IQGAP3: variants seen among roughly 807,000 people sequenced by gnomAD.
The protein encoded by IQGAP3 is IQ motif containing GTPase activating protein 3, also known as ras GTPase-activating-like protein IQGAP3.
In IQGAP3, 165 loss-of-function variants were observed where a neutral mutation model predicts 208.2. The observed-to-expected ratio is 0.79, with a 90% confidence interval of 0.70 to 0.90. The LOEUF is 0.90. Ranked by LOEUF, IQGAP3 falls within the 40% of genes least tolerant of loss-of-function variation. The pLI is 0.00. For synonymous variants in IQGAP3, 703 were observed against 803.6 expected, an observed-to-expected ratio of 0.87 and a Z score of 2.12; for missense variants, 1,811 against 2,043.1, an observed-to-expected ratio of 0.89 and a Z score of 2.19.
In IQGAP3 at chr1:156,562,664, T is replaced by C. The variant is rs1456269987; in HGVS notation, c.800A>G (p.Asp267Gly). The C allele has an allele frequency of 6.2e-6, 10 of 1,613,674 alleles. No individual in the cohort carries two copies. The highest frequency in any genetic ancestry group is 4.0e-5 in the African/African-American group (3 of 74,926). The change falls in exon 9 of 38, where the codon GAT (aspartate) becomes GGT (glycine). Residue 267 changes from aspartate (D) to glycine (G), a missense_variant and splice_region_variant. Physicochemically the swap from Asp to Gly is moderately conservative, Grantham distance 94. Coordinates refer to ENST00000361170, the MANE Select transcript of IQGAP3 (RefSeq NM_178229.5). Reference protein sequence around the residue: ...MEKAANARNHDDRESQDIYDH... With the variant: ...MEKAANARNHGDRESQDIYDH... The stretch of plus-strand genomic sequence containing the variant: ...ATAGATGTCCTGGCTTTCTCTGTCA[T>C]CCTGCAAAAACTCCATTGAAAGGGA...
At chr1:156,541,849 G>A (rs1405632235) in intron 22 of IQGAP3, among the ~76,000 whole-genome samples, 2 of 152,224 alleles carry the variant, frequency 1.3e-5, no homozygotes, top group Non-Finnish European at 2.9e-5. Context: ...GAAAACAAAA[G>A]TGGGTTGCCC....
At position 156,527,351 on chromosome 1, in the gene IQGAP3, GCC is replaced by G. The variant is rs1674139655; in HGVS notation, c.4782+599_4782+600del. 2.0e-5 allele frequency among the ~76,000 whole-genome samples: 3 copies of G among 151,716 alleles called. No homozygotes were observed. The South Asian group carries it at 6.3e-4, about 32-fold the overall frequency. ...ACAAAAAGCCGGTGTGGTGGCGCAC[GCC>G]TGTAATCCCAGCTACTCAGGAAGCT... is the stretch of plus-strand genomic sequence containing the variant. On this transcript the variant is annotated intron_variant, in intron 37 of 37. Transcript: ENST00000361170.
chr1:156,528,980 C>T lies in IQGAP3; in HGVS notation c.4507G>A (p.Glu1503Lys), dbSNP rs1198172911. The T allele has an allele frequency of 3.7e-6, 6 of 1,614,096 alleles. No homozygotes were observed. The highest frequency in any genetic ancestry group is 4.2e-6 in the Non-Finnish European group (5 of 1,180,046). Residue 1503 changes from glutamate (E) to lysine (K), a missense_variant, in exon 35 of 38, where the codon GAG (glutamate) becomes AAG (lysine). Coordinates refer to ENST00000361170, the MANE Select transcript of IQGAP3 (RefSeq NM_178229.5). ...TACTGGCTGTAGTAGTCACCCTGCT[C>T]CTCATAGAAGGTGGTCTTAGTGCTC... ...GLSTKTTFYE[E>K]QGDYYSQYIR... is the part of the protein sequence containing the mutation.
intron 2 of IQGAP3, 74 bp from the exon 3 acceptor site, chr1:156,566,620 T>G (rs1676411354): frequency 1.5e-5 from 22 of 1,454,140 alleles, no homozygotes; most frequent in Non-Finnish European, 2.0e-5. Flanking sequence ...GGAACTTCCC[T>G]CTGTCCCTCC....
At chr1:156,562,455 TTC>T in intron 9 of IQGAP3, 130 bp downstream of exon 9, 1 of 741,174 alleles carries the variant, frequency 1.3e-6, no homozygotes, top group Non-Finnish European at 2.4e-6. Context: ...ACTCTGATCT[TTC>T]TCCGAGGCAA....
chr1:156,569,241 T>A, intron 2 of IQGAP3, 135 bp downstream of exon 2: 1 of 581,784 alleles, frequency 1.7e-6, no homozygotes, highest in Non-Finnish European at 3.1e-6. Context: ...AAAAAAAAAT[T>A]AAAAAGCTAT....
intron 13 of IQGAP3, among the ~76,000 whole-genome samples, chr1:156,553,585 T>C (rs867135711): frequency 5.1e-4 from 75 of 147,414 alleles, no homozygotes; most frequent in Middle Eastern, 6.8e-3. Context: ...TCTTTCTTTT[T>C]TTTTTTTTTT....
intron 16 of IQGAP3, among the ~76,000 whole-genome samples, chr1:156,549,597 C>T (rs889092023): frequency 2.6e-5 from 4 of 152,016 alleles, no homozygotes; most frequent in African/African-American, 7.2e-5. Context: ...GATCACAGTA[C>T]ACTGCCCTCT....
At chr1:156,555,617 T>A (rs993875841) in intron 12 of IQGAP3, among the ~76,000 whole-genome samples, 2 of 152,234 alleles carry the variant, frequency 1.3e-5, no homozygotes, top group African/African-American at 4.8e-5. Flanking sequence ...GGTTCTTACT[T>A]TCTTCTCTTA....
chr1:156,527,040 C>A (rs529470847), intron 37 of IQGAP3, among the ~76,000 whole-genome samples: 1 of 151,176 alleles, frequency 6.6e-6, no homozygotes, highest in Non-Finnish European at 1.5e-5. Flanking sequence ...ACTATATTGG[C>A]CAGGCTGGTC....
chr1:156,563,760 T>G lies in IQGAP3; in HGVS notation c.502A>C (p.Thr168Pro). 1 of 1,613,676 alleles carries G rather than the reference T, an allele frequency of 6.2e-7. No individual in the cohort carries two copies. The highest frequency in any genetic ancestry group is 8.5e-7 in the Non-Finnish European group (1 of 1,179,808). The change falls in exon 6 of 38, where the codon ACA (threonine) becomes CCA (proline). Residue 168 changes from threonine (T) to proline (P), a missense_variant. By Grantham distance (38) the Thr-to-Pro change is conservative. Coordinates refer to ENST00000361170, the MANE Select transcript of IQGAP3 (RefSeq NM_178229.5). ...TCAGGGAAGGAGCTGGGCTTACCTG[T>G]GAATTTCACTTTCCCGTATAGATCA... ...IHDLYGKVKF[T>P]AEELSNMASE...
chr1:156,527,541 G>A (rs1674159052), intron 37 of IQGAP3, among the ~76,000 whole-genome samples: 1 of 152,170 alleles, frequency 6.6e-6, no homozygotes, highest in Non-Finnish European at 1.5e-5. Flanking sequence ...AAACACCGTT[G>A]CTTCACTCCT....
rs1263593520 is a variant in IQGAP3 at position 156,530,287 on chromosome 1, G to A, written c.4222C>T (p.Arg1408Cys). 9.3e-6 allele frequency: 15 copies of A among 1,610,558 alleles called. No homozygotes were observed. Among genetic ancestry groups the A allele is most frequent in the African/African-American group, 2.7e-5 (2 of 74,916 alleles). ...EAAHKQLMSR[R>C]QACTAQTPEP... ...GGTGTCTGGGCTGTACAGGCCTGGC[G>A]TCGGCTCATCAGCTGCTTGTGGGCT... Residue 1408 changes from arginine (R) to cysteine (C), a missense_variant, in exon 34 of 38, where the codon CGC becomes TGC. Arg to Cys is a radical substitution (Grantham distance 180). Transcript: ENST00000361170.
chr1:156,543,282 G>A (rs1454972050), intron 22 of IQGAP3, among the ~76,000 whole-genome samples: 1 of 152,180 alleles, frequency 6.6e-6, no homozygotes, highest in African/African-American at 2.4e-5. Flanking sequence ...GCCCCTGTGG[G>A]CAGGACAGGG....
chr1:156,563,046 G>C lies in IQGAP3; in HGVS notation c.798+88C>G, dbSNP rs1205396264. The C allele has an allele frequency of 2.6e-6, 3 of 1,162,482 alleles. No individual in the cohort carries two copies. The African/African-American group carries it at 4.6e-5, about 18-fold the overall frequency. The allele number at this position is 1,162,482 out of a possible 1,614,324, so 72.0% of individuals were successfully genotyped here. A position where few individuals can be genotyped will look rare whatever the true frequency, so the allele number is the denominator to read the frequency against. On this transcript the variant is annotated intron_variant, in intron 8 of 37. Coordinates refer to ENST00000361170, the MANE Select transcript of IQGAP3 (RefSeq NM_178229.5). ...CTCTAAGAAGCAATTTTGGATACTA[G>C]AGACATGACAGATAGGAGTCCCGGT...
intron 14 of IQGAP3, 46 bp from the exon 15 acceptor site, chr1:156,551,914 G>C (rs1675569885): frequency 6.3e-7 from 1 of 1,599,052 alleles, no homozygotes; most frequent in Non-Finnish European, 8.5e-7. Context: ...TAGACTTAAT[G>C]GCTAAGGGAC....
chr1:156,565,921 G>C (rs1250222534), intron 4 of IQGAP3, 106 bp downstream of exon 4: 1 of 832,476 alleles, frequency 1.2e-6, no homozygotes, highest in Non-Finnish European at 2.0e-6. Flanking sequence ...TAGTTTAGAA[G>C]ACACATGGAA....
chr1:156,551,705 C>A lies in IQGAP3; in HGVS notation c.1734G>T (p.Gln578His). 1 of 1,608,704 alleles carries A rather than the reference C, an allele frequency of 6.2e-7. No individual in the cohort carries two copies. Among genetic ancestry groups the A allele is most frequent in the South Asian group, 1.1e-5 (1 of 90,270 alleles). ...LLVAAKRQKA[Q>H]VTGDPGAVLW... ...CCAACCCAACCAGCCCTAACTTCAC[C>A]TGGGCCTTCTGCCTTTTGGCTGCCA... is the stretch of plus-strand genomic sequence containing the variant. The change falls in exon 15 of 38, where the codon CAG becomes CAT. Residue 578 changes from glutamine to histidine, a missense_variant and splice_region_variant. Coordinates refer to ENST00000361170, the MANE Select transcript of IQGAP3 (RefSeq NM_178229.5).
chr1:156,535,078 T>G (rs1048589099), intron 28 of IQGAP3, 85 bp downstream of exon 28: 16 of 1,010,246 alleles, frequency 1.6e-5, no homozygotes, highest in Non-Finnish European at 2.3e-5. Context: ...TAGGATTTTT[T>G]GTGTTTTTGT....
Sources: gnomAD v4.1 joint callset for allele counts (sites outside exome capture counted in the v4.1 genomes callset) on GRCh38, gnomAD v4.1.1 for gene constraint, MANE v1.5 for transcripts, NCBI Gene and HGNC (gene_info 2026-07-23, HGNC 2026-07-21) for gene names.